Variants in STIM2 observed in about 807,000 individuals in gnomAD.
STIM2 encodes the protein stromal interaction molecule 2.
In STIM2, 31 loss-of-function variants were observed where a neutral mutation model predicts 85.8. The ratio of observed to expected loss-of-function variants is 0.36; its 90% CI spans 0.27 to 0.49. The LOEUF is 0.49. STIM2 is among the 20% of genes least tolerant of loss of function. The pLI, the probability that STIM2 is intolerant of heterozygous loss-of-function variation, is 0.98. For missense variants in STIM2, 841 were observed against 927.6 expected (o/e 0.91, Z 1.21); for synonymous variants, 356 against 331.1 (o/e 1.08, Z -0.82).
In STIM2 at chr4:27,002,966, A is replaced by G. The variant is rs765758700; in HGVS notation, c.843A>G (p.Val281=). 111 of 1,598,644 alleles carry G rather than the reference A, an allele frequency of 6.9e-5. 1 individual carries two copies. Among genetic ancestry groups the G allele is most frequent in the Non-Finnish European group, 1.4e-5 (17 of 1,174,798 alleles). Residue 281 remains valine, a synonymous_variant, in exon 7 of 12, where the codon GTA becomes GTG. Transcript: ENST00000467087. ...AGGAAGAAAACAGAAATGTTGCTGT[A>G]GAAAAGCAAAATTTAGAGCGCAAAA...
intron 1 of STIM2, among the ~76,000 whole-genome samples, chr4:26,912,472 T>C (rs1311004182): frequency 1.3e-5 from 2 of 152,226 alleles, no homozygotes; most frequent in East Asian, 3.8e-4. Flanking sequence ...CCCACATATA[T>C]CAATTGACTA....
intron 1 of STIM2, among the ~76,000 whole-genome samples, chr4:26,905,960 GTA>G (rs962822304): frequency 6.6e-6 from 1 of 151,886 alleles, no homozygotes; most frequent in South Asian, 2.1e-4. Context: ...GTGTGTATAT[GTA>G]TATATATACA....
At chr4:26,879,381 G>A (rs1722922869) in intron 1 of STIM2, among the ~76,000 whole-genome samples, 2 of 151,776 alleles carry the variant, frequency 1.3e-5, no homozygotes, top group South Asian at 2.1e-4. Context: ...TTTTGTAGAA[G>A]GATTATGGGA....
intron 1 of STIM2, among the ~76,000 whole-genome samples, chr4:26,884,782 TA>T (rs1235149457): frequency 6.6e-6 from 1 of 152,194 alleles, no homozygotes. Context: ...TCACATGAAA[TA>T]ACTCATTTAG....
At chr4:26,864,730 T>C (rs1384135609) in intron 1 of STIM2, among the ~76,000 whole-genome samples, 1 of 152,116 alleles carries the variant, frequency 6.6e-6, no homozygotes, top group Non-Finnish European at 1.5e-5. Flanking sequence ...AGTATTAAAA[T>C]CTCAATTAAG....
chr4:26,946,646 C>T (rs1003469978), intron 2 of STIM2, among the ~76,000 whole-genome samples: 11 of 152,316 alleles, frequency 7.2e-5, no homozygotes, highest in South Asian at 2.1e-4. Context: ...TCTGACTTTC[C>T]GATGGCATAT....
At chr4:26,993,343 A>G (rs1395374922) in intron 3 of STIM2, among the ~76,000 whole-genome samples, 1 of 152,180 alleles carries the variant, frequency 6.6e-6, no homozygotes, top group African/African-American at 2.4e-5. Context: ...GTAGGAACAC[A>G]TGAAGGGGAG....
At chr4:26,953,411 T>C (rs938936630) in intron 2 of STIM2, among the ~76,000 whole-genome samples, 1 of 152,164 alleles carries the variant, frequency 6.6e-6, no homozygotes, top group African/African-American at 2.4e-5. Flanking sequence ...AGTAGACAAT[T>C]TTATTTTCCT....
rs745749628 is a variant in STIM2 at position 27,002,251 on chromosome 4, C to T, written c.660C>T (p.Leu220=). ...ATAACTGGATGAAAGATTTTATCCT[C>T]ACAGTTTCTATAGTAATTGGTGTTG... The change falls in exon 6 of 12, where the codon CTC becomes CTT. Residue 220 remains leucine (L), a synonymous_variant. Transcript: ENST00000467087. The T allele has an allele frequency of 1.9e-6, 3 of 1,611,172 alleles. No individual in the cohort carries two copies. Among genetic ancestry groups the T allele is most frequent in the Non-Finnish European group, 2.5e-6 (3 of 1,179,158 alleles).
At chr4:26,947,032 A>G (rs1725857545) in intron 2 of STIM2, among the ~76,000 whole-genome samples, 1 of 152,220 alleles carries the variant, frequency 6.6e-6, no homozygotes, top group South Asian at 2.1e-4. Flanking sequence ...ATGCATTATC[A>G]TAAGTGAGGA....
intron 1 of STIM2, among the ~76,000 whole-genome samples, chr4:26,904,228 T>A (rs1050277310): frequency 6.6e-6 from 1 of 151,540 alleles, no homozygotes; most frequent in East Asian, 1.9e-4. Flanking sequence ...GGCTGGCAGG[T>A]TTTTTGTTTG....
chr4:26,885,300 C>G (rs1723174437), intron 1 of STIM2, among the ~76,000 whole-genome samples: 1 of 152,184 alleles, frequency 6.6e-6, no homozygotes, highest in Non-Finnish European at 1.5e-5. Context: ...TGAATACTCA[C>G]ATGTTATTAG....
chr4:26,995,866 G>C (rs1727945898), intron 4 of STIM2, among the ~76,000 whole-genome samples: 1 of 151,978 alleles, frequency 6.6e-6, no homozygotes, highest in Admixed American at 6.6e-5. Context: ...TCTTTCTTGT[G>C]ACATTTTAAA....
intron 2 of STIM2, among the ~76,000 whole-genome samples, chr4:26,947,136 T>G (rs189670961): frequency 6.6e-6 from 1 of 152,298 alleles, no homozygotes; most frequent in Non-Finnish European, 1.5e-5. Flanking sequence ...TGGTTGGACA[T>G]GGCTGCAGTA....
chr4:26,963,608 A>G (rs1227727147), intron 3 of STIM2, among the ~76,000 whole-genome samples: 2 of 152,238 alleles, frequency 1.3e-5, no homozygotes, highest in Non-Finnish European at 2.9e-5. Flanking sequence ...AGTGTTTTGC[A>G]TGTATGCAGA....
intron 3 of STIM2, among the ~76,000 whole-genome samples, chr4:26,972,769 AG>A (rs1385053887): frequency 6.6e-6 from 1 of 152,162 alleles, no homozygotes; most frequent in East Asian, 1.9e-4. Flanking sequence ...TGCGTTAGGG[AG>A]GATTCCCTCT....
chr4:26,870,134 AG>A lies in STIM2; in HGVS notation c.151+8767del, dbSNP rs543499125. Among the ~76,000 whole-genome samples, 20 of 152,298 alleles carry A rather than the reference AG, an allele frequency of 1.3e-4. No homozygotes were observed. The East Asian group carries it at 3.5e-3, about 26-fold the overall frequency. On this transcript the variant is annotated intron_variant, in intron 1 of 11. Coordinates refer to ENST00000467087, the MANE Select transcript of STIM2 (RefSeq NM_020860.4). ...ATGGTGGTTACCAGGGGCTAGGGAA[AG>A]GAGTAAATGGAGAGATGTTGAAACT... is the stretch of plus-strand genomic sequence containing the variant.
chr4:26,984,051 G>A (rs533185908), intron 3 of STIM2, among the ~76,000 whole-genome samples: 24 of 152,256 alleles, frequency 1.6e-4, no homozygotes, highest in African/African-American at 4.8e-4. Context: ...TTGGAAAATA[G>A]CACCCTCTTC....
rs200795495 is a variant in STIM2, at chr4:26,961,014, CA to C, written c.397+3302del. ...GGGAGTGCGCTACTGCACTCCGTCT[CA>C]AAAAAAAAAAAAATACTTGTACCGC... On this transcript the variant is annotated intron_variant, in intron 3 of 11. Coordinates refer to ENST00000467087, the MANE Select transcript of STIM2 (RefSeq NM_020860.4). Among the ~76,000 whole-genome samples the C allele has an allele frequency of 4.9e-3, 647 of 131,188 alleles. 2 individuals are homozygous for C. The highest frequency in any genetic ancestry group is 0.013 in the Middle Eastern group (3 of 240). 86.1% of individuals were successfully genotyped at this position (131,188 alleles called of 152,430 possible). A position where few individuals can be genotyped will look rare whatever the true frequency, so the allele number is the denominator to read the frequency against.
Sources: allele counts gnomAD v4.1 joint callset (sites outside exome capture counted in the v4.1 genomes callset), GRCh38; gene constraint gnomAD v4.1.1; transcripts MANE v1.5; gene names NCBI Gene and HGNC (gene_info 2026-07-23, HGNC 2026-07-21).